Variants in NELL1 observed in about 807,000 individuals in gnomAD.
NELL1 encodes the protein neural EGFL like 1.
NELL1 carries 76 observed loss-of-function variants against 107.4 expected under a neutral mutation model. That is an observed-to-expected ratio of 0.71 (90% confidence interval 0.59 to 0.86). NELL1 has a LOEUF of 0.86. Among genes scored for constraint, NELL1 ranks in the 40% least tolerant of loss-of-function variants. The probability of loss-of-function intolerance (pLI) is 0.00; values close to 1 mark genes in which losing one functional copy is unlikely to be tolerated. For synonymous variants in NELL1, 353 were observed against 341.2 expected, an observed-to-expected ratio of 1.03 and a Z score of -0.38; for missense variants, 1,024 against 1,005.5, an observed-to-expected ratio of 1.02 and a Z score of -0.25.
intron 2 of NELL1, among the ~76,000 whole-genome samples, chr11:20,726,540 C>T (rs1312106757): frequency 6.6e-6 from 1 of 151,336 alleles, no homozygotes; most frequent in Non-Finnish European, 1.5e-5. Flanking sequence ...ATCTTTGTTC[C>T]TGCTTTAAAA....
intron 12 of NELL1, among the ~76,000 whole-genome samples, chr11:21,075,334 A>G (rs1854109171): frequency 6.6e-6 from 1 of 152,154 alleles, no homozygotes; most frequent in Admixed American, 6.6e-5. Flanking sequence ...GGTTGATAAG[A>G]AGTACATATA....
chr11:21,257,043 G>A (rs944214859), intron 14 of NELL1, among the ~76,000 whole-genome samples: 1 of 151,986 alleles, frequency 6.6e-6, no homozygotes, highest in Non-Finnish European at 1.5e-5. Flanking sequence ...TAATTTCCTA[G>A]CACTAGTTCC....
At chr11:21,123,019 A>G (rs1855404945) in intron 13 of NELL1, among the ~76,000 whole-genome samples, 1 of 152,176 alleles carries the variant, frequency 6.6e-6, no homozygotes, top group Admixed American at 6.5e-5. Context: ...AGATCTCAAA[A>G]TGGTGAAGTT....
At chr11:20,765,552 C>A (rs1177590676) in intron 2 of NELL1, among the ~76,000 whole-genome samples, 2 of 152,104 alleles carry the variant, frequency 1.3e-5, no homozygotes, top group Non-Finnish European at 2.9e-5. Context: ...TCAGCTGAAG[C>A]CTGAGTGATG....
intron 1 of NELL1, among the ~76,000 whole-genome samples, chr11:20,672,983 C>CG (rs1565300237): frequency 1.1e-4 from 12 of 113,712 alleles, no homozygotes; most frequent in African/African-American, 3.9e-4. Flanking sequence ...CCCCCCCCCC[C>CG]CCCCGAGTAG....
intron 12 of NELL1, among the ~76,000 whole-genome samples, chr11:21,020,423 C>T (rs1210123159): frequency 6.6e-6 from 1 of 152,052 alleles, no homozygotes; most frequent in Non-Finnish European, 1.5e-5. Context: ...TGTAATAGAA[C>T]CGTATATGCT....
At chr11:21,552,626 G>C (rs183632918) in intron 16 of NELL1, among the ~76,000 whole-genome samples, 148 of 151,882 alleles carry the variant, frequency 9.7e-4, no homozygotes, top group African/African-American at 3.5e-3. Context: ...TCTTTTCAGA[G>C]AATCTTCCTT....
chr11:20,892,434 A>G (rs1590386664), intron 5 of NELL1, among the ~76,000 whole-genome samples: 1 of 152,346 alleles, frequency 6.6e-6, no homozygotes, highest in Admixed American at 6.5e-5. Context: ...AAGAAACAAT[A>G]GATCCTATGT....
intron 4 of NELL1, among the ~76,000 whole-genome samples, chr11:20,870,147 T>G (rs1203062601): frequency 6.6e-6 from 1 of 152,186 alleles, no homozygotes; most frequent in African/African-American, 2.4e-5. Flanking sequence ...AGGGCAGGCA[T>G]CATTTTCTTT....
chr11:21,573,113 C>G, intron 18 of NELL1, 72 bp from the exon 19 acceptor site: 3 of 1,149,926 alleles, frequency 2.6e-6, no homozygotes, highest in Non-Finnish European at 2.6e-6. Context: ...GCTCTCTTTC[C>G]CCTTCTATGA....
chr11:21,486,515 G>C (rs1854636282), intron 15 of NELL1, among the ~76,000 whole-genome samples: 1 of 151,996 alleles, frequency 6.6e-6, no homozygotes, highest in African/African-American at 2.4e-5. Flanking sequence ...AAATAGAAGT[G>C]ACTGTTATAC....
At chr11:21,152,737 A>G (rs1045549080) in intron 13 of NELL1, among the ~76,000 whole-genome samples, 3 of 152,220 alleles carry the variant, frequency 2.0e-5, no homozygotes, top group Admixed American at 2.0e-4. Context: ...ATATACATAT[A>G]GAAAATTATG....
At position 21,282,629 on chromosome 11, in the gene NELL1, C is replaced by A. The variant is rs1849023379; in HGVS notation, c.1549+53175C>A. On this transcript the variant is annotated intron_variant, in intron 14 of 19. Coordinates refer to ENST00000357134, the MANE Select transcript of NELL1 (RefSeq NM_006157.5). ...AACAGTTTGGAAGTTCCTCAGAAAA[C>A]TGAAAATAGAGCCACCATAGCATCT... 2.0e-5 allele frequency among the ~76,000 whole-genome samples: 3 copies of A among 152,086 alleles called. No homozygotes were observed. In the South Asian group the frequency reaches 6.2e-4, roughly 32 times the overall value.
chr11:21,361,259 ATTTTTTTTTTTT>A (rs59239329), intron 14 of NELL1, among the ~76,000 whole-genome samples: 1 of 113,576 alleles, frequency 8.8e-6, no homozygotes, highest in Non-Finnish European at 1.8e-5. Flanking sequence ...TTGTGTGACA[ATTTTTTTTTTTT>A]TTTTTTTTTT....
chr11:21,459,446 T>C (rs1343741855), intron 15 of NELL1, among the ~76,000 whole-genome samples: 1 of 151,048 alleles, frequency 6.6e-6, no homozygotes, highest in Non-Finnish European at 1.5e-5. Flanking sequence ...GAACATTGGG[T>C]TTTTGTTTTA....
At chr11:20,990,934 G>T (rs188221988) in intron 12 of NELL1, among the ~76,000 whole-genome samples, 1 of 151,842 alleles carries the variant, frequency 6.6e-6, no homozygotes, top group East Asian at 1.9e-4. Flanking sequence ...CCTTAGCCAT[G>T]CTCTGTGGGT....
chr11:21,481,122 A>G (rs533671177), intron 15 of NELL1, among the ~76,000 whole-genome samples: 1 of 152,324 alleles, frequency 6.6e-6, no homozygotes, highest in African/African-American at 2.4e-5. Context: ...AGCACATAAT[A>G]AGTGCTCAAT....
Position 20,895,865 on chromosome 11 carries a change from TC to T in NELL1, c.603+10327del, listed in dbSNP as rs1236525728. 2.0e-5 allele frequency among the ~76,000 whole-genome samples: 3 copies of T among 152,312 alleles called. No individual in the cohort carries two copies. The East Asian group carries it at 5.8e-4, about 29-fold the overall frequency. On this transcript the variant is annotated intron_variant, in intron 5 of 19. Coordinates refer to ENST00000357134, the MANE Select transcript of NELL1 (RefSeq NM_006157.5). Reference sequence around the variant, plus strand: ...CTTAAGATAATGACCTCCAGTTCCATCCGTGTTGCTGCAAATGACATGAGTT... The same window carrying T: ...CTTAAGATAATGACCTCCAGTTCCATCGTGTTGCTGCAAATGACATGAGTT...
At position 20,676,667 on chromosome 11, in the gene NELL1, G is replaced by C. The variant is rs74360160; in HGVS notation, c.56-1265G>C. 5.9e-3 allele frequency among the ~76,000 whole-genome samples: 905 copies of C among 152,308 alleles called. 7 individuals are homozygous for C. The highest frequency in any genetic ancestry group is 0.021 in the African/African-American group (870 of 41,578). On this transcript the variant is annotated intron_variant, in intron 1 of 19. Transcript: ENST00000357134. ...CTGTTTCCTAACAGGAAAAGAGTAA[G>C]GAAAGAGTAGATTTCCTTCTCCAAG...
Sources: gnomAD v4.1 joint callset for allele counts (sites outside exome capture counted in the v4.1 genomes callset) on GRCh38, gnomAD v4.1.1 for gene constraint, MANE v1.5 for transcripts, NCBI Gene and HGNC (gene_info 2026-07-23, HGNC 2026-07-21) for gene names.